Variants in SDK2 observed in about 807,000 individuals in gnomAD.
SDK2 encodes protein sidekick-2.
A neutral mutation model predicts 253.9 loss-of-function variants in SDK2; 105 were observed. That is an observed-to-expected ratio of 0.41 (90% CI 0.35 to 0.49). The LOEUF (loss-of-function observed/expected upper bound fraction) is 0.49, where lower values mean the gene tolerates loss of function less well. Among genes scored for constraint, SDK2 ranks in the 20% least tolerant of loss-of-function variants. SDK2 has a pLI of 0.06. For synonymous variants in SDK2, 1,249 were observed against 1,234.9 expected (o/e 1.01, Z -0.24); for missense variants, 2,608 against 3,003.0 (o/e 0.87, Z 3.07).
intron 1 of SDK2, among the ~76,000 whole-genome samples, chr17:73,641,572 G>C (rs2046398550): frequency 6.6e-6 from 1 of 152,054 alleles, no homozygotes; most frequent in Admixed American, 6.6e-5. Context: ...TGTCGCTCAG[G>C]TCCAGCACCC....
At chr17:73,364,049 C>A (rs551165166) in intron 38 of SDK2, among the ~76,000 whole-genome samples, 9 of 152,012 alleles carry the variant, frequency 5.9e-5, no homozygotes, top group African/African-American at 2.2e-4. Flanking sequence ...TCTTGCCAGG[C>A]TCCGTGATTG....
At chr17:73,635,047 G>A (rs8077632) in intron 1 of SDK2, among the ~76,000 whole-genome samples, 54,199 of 151,154 alleles carry the variant, frequency 0.36, 9,928 homozygotes, top group African/African-American at 0.43. Flanking sequence ...GTGCAGTGGC[G>A]CCATCTCAGA....
At chr17:73,568,162 G>A (rs1439425121) in intron 1 of SDK2, among the ~76,000 whole-genome samples, 3 of 152,126 alleles carry the variant, frequency 2.0e-5, no homozygotes, top group African/African-American at 7.2e-5. Flanking sequence ...CCCTTCCCAC[G>A]GTAATGGGTG....
chr17:73,363,457 C>T (rs1016085106), intron 38 of SDK2, among the ~76,000 whole-genome samples: 1 of 152,208 alleles, frequency 6.6e-6, no homozygotes, highest in African/African-American at 2.4e-5. Flanking sequence ...GGAACAGGGA[C>T]TCTGGCTACC....
intron 1 of SDK2, among the ~76,000 whole-genome samples, chr17:73,593,008 G>A (rs1381139559): frequency 7.7e-6 from 1 of 129,142 alleles, no homozygotes; most frequent in Non-Finnish European, 1.6e-5. Context: ...TACACTTGGA[G>A]TTCAGCCGGT....
In SDK2 at chr17:73,603,974, C is replaced by T. The variant is rs577844979; in HGVS notation, c.64+40051G>A. Reference sequence around the variant, plus strand: ...AGGAGGATGGGGAGAGAGGGGGAAGCGCAGAACCCACCAACGTCAGCTGGC... The same window carrying T: ...AGGAGGATGGGGAGAGAGGGGGAAGTGCAGAACCCACCAACGTCAGCTGGC... On this transcript the variant is annotated intron_variant, in intron 1 of 44. Transcript: ENST00000392650. Among the ~76,000 whole-genome samples, 11 of 152,310 alleles carry T rather than the reference C, an allele frequency of 7.2e-5. 1 individual carries two copies. In the South Asian group the frequency reaches 8.3e-4, roughly 11 times the overall value.
intron 3 of SDK2, among the ~76,000 whole-genome samples, chr17:73,456,293 C>T (rs1276385951): frequency 2.0e-5 from 3 of 152,202 alleles, no homozygotes; most frequent in Non-Finnish European, 4.4e-5. Context: ...CGTTCAACCA[C>T]CCTGAGAGGT....
intron 1 of SDK2, among the ~76,000 whole-genome samples, chr17:73,549,387 T>A (rs2045019444): frequency 6.6e-6 from 1 of 152,184 alleles, no homozygotes; most frequent in Non-Finnish European, 1.5e-5. Flanking sequence ...AGCTTGTACC[T>A]GATTAATTAA....
intron 1 of SDK2, among the ~76,000 whole-genome samples, chr17:73,547,293 T>C (rs1282568020): frequency 6.6e-6 from 1 of 152,196 alleles, no homozygotes; most frequent in Non-Finnish European, 1.5e-5. Flanking sequence ...AGCCTAAAGG[T>C]CCTTCCATGC....
At chr17:73,625,898 G>A (rs1280710504) in intron 1 of SDK2, among the ~76,000 whole-genome samples, 1 of 152,210 alleles carries the variant, frequency 6.6e-6, no homozygotes, top group East Asian at 1.9e-4. Flanking sequence ...ACCCACCTCA[G>A]CCTCCCAAAG....
intron 1 of SDK2, among the ~76,000 whole-genome samples, chr17:73,550,041 C>T (rs2045029506): frequency 6.6e-6 from 1 of 152,098 alleles, no homozygotes; most frequent in Non-Finnish European, 1.5e-5. Context: ...GCACTGTGTC[C>T]CGGGGGCACT....
At chr17:73,346,375 CAT>C (rs2062485033) in intron 44 of SDK2, among the ~76,000 whole-genome samples, 1 of 151,992 alleles carries the variant, frequency 6.6e-6, no homozygotes, top group Non-Finnish European at 1.5e-5. Context: ...ATTTCTTTTC[CAT>C]TGAGATTTAC....
Position 73,395,357 on chromosome 17 carries a change from C to T in SDK2, c.3390G>A (p.Glu1130=), listed in dbSNP as rs747923746. 13 of 1,613,976 alleles carry T rather than the reference C, an allele frequency of 8.1e-6. No homozygotes were observed. The South Asian group carries it at 1.3e-4, about 16-fold the overall frequency. ...LPEMEYNGNP[E]SVGYKIKYSR... The stretch of plus-strand genomic sequence containing the variant: ...TGTACTTGATCTTATAGCCCACGGA[C>T]TCAGGGTTCCCATTGTATTCCATCT... The change falls in exon 25 of 45, where the codon GAG becomes GAA. Residue 1130 remains glutamate, a synonymous_variant. Transcript: ENST00000392650. The surrounding 1 kb of genome is among the most constrained non-coding windows in gnomAD (Gnocchi z 4.3).
At chr17:73,357,943 G>C (rs1250521987) in intron 40 of SDK2, 136 bp downstream of exon 40, 2 of 1,344,790 alleles carry the variant, frequency 1.5e-6, no homozygotes, top group African/African-American at 2.9e-5. Context: ...CTCCTCAACA[G>C]GGCCAGGTGA....
intron 18 of SDK2, among the ~76,000 whole-genome samples, chr17:73,406,114 T>C (rs1310103583): frequency 6.6e-6 from 1 of 152,154 alleles, no homozygotes; most frequent in East Asian, 1.9e-4. Context: ...CTGTATTGTT[T>C]GGGGGAATAA....
At chr17:73,353,770 C>T (rs1453649518) in intron 40 of SDK2, among the ~76,000 whole-genome samples, 1 of 140,182 alleles carries the variant, frequency 7.1e-6, no homozygotes, top group South Asian at 2.3e-4. Flanking sequence ...GTGGTGCCAT[C>T]TCAGCTTACC....
intron 2 of SDK2, among the ~76,000 whole-genome samples, chr17:73,490,096 A>G (rs1327120117): frequency 6.6e-6 from 1 of 152,088 alleles, no homozygotes; most frequent in African/African-American, 2.4e-5. Context: ...CCAGAGCTTG[A>G]GAACTGTGTC....
chr17:73,623,651 C>T (rs2143209156), intron 1 of SDK2, among the ~76,000 whole-genome samples: 1 of 152,206 alleles, frequency 6.6e-6, no homozygotes, highest in South Asian at 2.1e-4. Context: ...TGCCTAGCTG[C>T]CCCCTGATCT....
chr17:73,430,441 C>A (rs140713113), intron 12 of SDK2, 70 bp downstream of exon 12: 2 of 1,196,374 alleles, frequency 1.7e-6, no homozygotes, highest in South Asian at 1.3e-5. Context: ...TGTGGACACT[C>A]GCCCAGCTAC....
Sources: gnomAD v4.1 joint callset for allele counts (sites outside exome capture counted in the v4.1 genomes callset) on GRCh38, gnomAD v4.1.1 for gene constraint, Gnocchi (gnomAD v3.1) non-coding constraint, MANE v1.5 for transcripts, NCBI Gene and HGNC (gene_info 2026-07-23, HGNC 2026-07-21) for gene names.